ADGRL1: variants seen among roughly 807,000 people sequenced by gnomAD.
ADGRL1 encodes the protein adhesion G protein-coupled receptor L1.
A neutral mutation model predicts 148.9 loss-of-function variants in ADGRL1; 31 were observed. That is an observed-to-expected ratio of 0.21 (90% confidence interval 0.16 to 0.28). The LOEUF is 0.28. Among genes scored for constraint, ADGRL1 ranks in the 10% least tolerant of loss-of-function variants. ADGRL1 has a pLI of 1.00. For missense variants in ADGRL1, 1,521 were observed against 2,058.8 expected (o/e 0.74, Z 5.05); for synonymous variants, 937 against 900.3 (o/e 1.04, Z -0.73).
Position 14,161,376 on chromosome 19 carries a change from C to A in ADGRL1, c.1446G>T (p.Arg482=), listed in dbSNP as rs1441608909. ...ELFCEPREVR[R]VQWPATQQGM... ...CCTGCTGGGTGGCCGGCCACTGGAC[C>A]CGCCGTACCTCTCGGGGCTCGCAGA... The change falls in exon 6 of 23, where the codon CGG becomes CGT. Residue 482 remains arginine (R), a synonymous_variant. Transcript: ENST00000361434. The surrounding 1 kb of genome is among the most constrained non-coding windows in gnomAD (Gnocchi z 4.4). The A allele has an allele frequency of 2.5e-6, 4 of 1,595,272 alleles. No homozygotes were observed. The South Asian group carries it at 4.5e-5, about 18-fold the overall frequency.
At chr19:14,175,947 G>A (rs1279179856) in intron 3 of ADGRL1, among the ~76,000 whole-genome samples, 3 of 152,018 alleles carry the variant, frequency 2.0e-5, no homozygotes, top group Non-Finnish European at 4.4e-5. Flanking sequence ...CCAGCTACTC[G>A]GGAGGCTGAG....
intron 1 of ADGRL1, among the ~76,000 whole-genome samples, chr19:14,202,267 T>A (rs936548554): frequency 6.6e-5 from 10 of 151,766 alleles, no homozygotes; most frequent in East Asian, 3.9e-4. Flanking sequence ...TTTTTTTTTT[T>A]ATTGAGAATG....
chr19:14,175,671 CACAT>C (rs1281958618), intron 3 of ADGRL1, among the ~76,000 whole-genome samples: 3 of 152,064 alleles, frequency 2.0e-5, no homozygotes, highest in Non-Finnish European at 4.4e-5. Context: ...TACACCTGTT[CACAT>C]ACACTTAGAC....
At chr19:14,201,680 T>C (rs901755521) in intron 1 of ADGRL1, among the ~76,000 whole-genome samples, 1 of 152,084 alleles carries the variant, frequency 6.6e-6, no homozygotes, top group Non-Finnish European at 1.5e-5. Context: ...CTTCCCAACA[T>C]TCTGGGTTTA....
chr19:14,161,185 T>C lies in ADGRL1; in HGVS notation c.1510+127A>G. ...GTGCCCTGAGAGCTCTGCTGGTCAC[T>C]GGGGATGACCCCTGCCCTCAGAAAA... On this transcript the variant is annotated intron_variant, in intron 6 of 22. Coordinates refer to ENST00000361434, the MANE Select transcript of ADGRL1 (RefSeq NM_014921.5). This position sits in a 1 kb window ranked among gnomAD's most constrained non-coding sequence, Gnocchi z 4.4. 1.0e-6 allele frequency: 1 copy of C among 955,532 alleles called. No homozygotes were observed. Among genetic ancestry groups the C allele is most frequent in the Non-Finnish European group, 1.5e-6 (1 of 677,206 alleles). 59.2% of individuals were successfully genotyped at this position (955,532 alleles called of 1,614,324 possible). A position where few individuals can be genotyped will look rare whatever the true frequency, so the allele number is the denominator to read the frequency against.
intron 1 of ADGRL1, among the ~76,000 whole-genome samples, chr19:14,203,276 G>A (rs1020545221): frequency 3.3e-5 from 5 of 152,154 alleles, no homozygotes; most frequent in African/African-American, 7.2e-5. Context: ...ACACAGAAAC[G>A]AGAGCCTTGT....
At chr19:14,201,403 G>A (rs1249832197) in intron 1 of ADGRL1, among the ~76,000 whole-genome samples, 3 of 128,624 alleles carry the variant, frequency 2.3e-5, no homozygotes, top group Non-Finnish European at 4.7e-5. Context: ...ACAGGAGACA[G>A]TGAAGGCAGG....
At position 14,175,494 on chromosome 19, in the gene ADGRL1, G is replaced by A. The variant is rs550506249; in HGVS notation, c.284+2037C>T. On this transcript the variant is annotated intron_variant, in intron 3 of 22. Transcript: ENST00000361434. ...CATGCTCACACCCACACCCGCTCACGTACACTTAAACACACCCAAATACAC... is the reference window on the plus strand; with the variant it reads ...CATGCTCACACCCACACCCGCTCACATACACTTAAACACACCCAAATACAC... Among the ~76,000 whole-genome samples the A allele has an allele frequency of 1.9e-3, 279 of 149,084 alleles. 1 individual carries two copies. Among genetic ancestry groups the A allele is most frequent in the African/African-American group, 6.7e-3 (269 of 40,424 alleles).
Position 14,161,028 on chromosome 19 carries a change from TCAGCTGGC to T in ADGRL1, c.1510+276_1510+283del, listed in dbSNP as rs1486812618. Among the ~76,000 whole-genome samples, 1 of 152,140 alleles carries T rather than the reference TCAGCTGGC, an allele frequency of 6.6e-6. No individual in the cohort carries two copies. Among genetic ancestry groups the T allele is most frequent in the African/African-American group, 2.4e-5 (1 of 41,430 alleles). The stretch of plus-strand genomic sequence containing the variant: ...CACACGGCCCTGCCCTTTTTGCACT[TCAGCTGGC>T]CATCCATGTGAAGCTGACTGTGCCT... On this transcript the variant is annotated intron_variant, in intron 6 of 22. Coordinates refer to ENST00000361434, the MANE Select transcript of ADGRL1 (RefSeq NM_014921.5). The surrounding 1 kb of genome is among the most constrained non-coding windows in gnomAD (Gnocchi z 4.4).
chr19:14,176,290 G>T (rs1970820587), intron 3 of ADGRL1, among the ~76,000 whole-genome samples: 2 of 152,008 alleles, frequency 1.3e-5, no homozygotes, highest in African/African-American at 2.4e-5. Context: ...AGCGGAGGTG[G>T]CAGTGAGCCA....
intron 1 of ADGRL1, among the ~76,000 whole-genome samples, chr19:14,184,010 CCT>C (rs1007627314): frequency 3.3e-5 from 5 of 152,300 alleles, no homozygotes; most frequent in Middle Eastern, 3.4e-3. Flanking sequence ...TCCCCATGCC[CCT>C]GTCCTGACCC....
chr19:14,163,943 A>G (rs1409775960), intron 4 of ADGRL1, among the ~76,000 whole-genome samples: 1 of 147,946 alleles, frequency 6.8e-6, no homozygotes, highest in Non-Finnish European at 1.5e-5. Context: ...ACACCCGGAC[A>G]GTGTTTTTTT....
chr19:14,170,399 G>C (rs1970363426), intron 4 of ADGRL1: 1 of 348,674 alleles, frequency 2.9e-6, no homozygotes, highest in East Asian at 6.1e-5. Context: ...GTGGAAATGA[G>C]TATAGGGTGC....
intron 2 of ADGRL1, among the ~76,000 whole-genome samples, chr19:14,178,373 C>T (rs1970962882): frequency 6.6e-6 from 1 of 152,062 alleles, no homozygotes; most frequent in South Asian, 2.1e-4. Context: ...GACGTGGTGG[C>T]ACACACCTGT....
At chr19:14,153,544 T>A (rs1363711042) in intron 18 of ADGRL1, among the ~76,000 whole-genome samples, 1 of 150,648 alleles carries the variant, frequency 6.6e-6, no homozygotes, top group Non-Finnish European at 1.5e-5. Context: ...GCCTCCTGAG[T>A]AGCTGGGATT....
In ADGRL1 at chr19:14,157,350, C is replaced by T. The variant is rs1260404924; in HGVS notation, c.2646G>A (p.Gly882=). ...ICISTFCFLR[G]LQTDRNTIHK... is the part of the protein sequence containing the mutation. ...GGATGGTGTTGCGGTCGGTCTGCAG[C>T]CCCCGCAGGAAGCAGAAGGTGGAGA... is the stretch of plus-strand genomic sequence containing the variant. Residue 882 remains glycine (G), a synonymous_variant, in exon 14 of 23, where the codon GGG becomes GGA. Transcript: ENST00000361434. The surrounding 1 kb of genome is among the most constrained non-coding windows in gnomAD (Gnocchi z 7.5). The T allele has an allele frequency of 3.7e-6, 6 of 1,614,008 alleles. No homozygotes were observed. Among genetic ancestry groups the T allele is most frequent in the Admixed American group, 1.7e-5 (1 of 60,006 alleles).
In ADGRL1 at chr19:14,159,997, T is replaced by C. The variant is rs545704247; in HGVS notation, c.1800+115A>G. ...CGGAGAGGGGGGGGTCCTTCCTCTC[T>C]GAGGAAAGGAGTGGAGGTGGCAGCC... On this transcript the variant is annotated intron_variant, in intron 8 of 22. Transcript: ENST00000361434. This position sits in a 1 kb window ranked among gnomAD's most constrained non-coding sequence, Gnocchi z 6.0. The C allele has an allele frequency of 2.6e-6, 3 of 1,169,518 alleles. No homozygotes were observed. In the South Asian group the frequency reaches 4.5e-5, roughly 18 times the overall value. 72.4% of individuals were successfully genotyped at this position (1,169,518 alleles called of 1,614,324 possible).
Position 14,149,031 on chromosome 19 carries a change from G to A in ADGRL1, c.*1842C>T, listed in dbSNP as rs1967878951. On this transcript the variant is annotated 3_prime_UTR_variant, in exon 23 of 23. Transcript: ENST00000361434. The stretch of plus-strand genomic sequence containing the variant: ...GTGAGAAAAGGAGGGGCAGAGAGAT[G>A]GGGAGAGGTCAGAGCAGAGGTGGAG... 1 of 152,964 alleles carries A rather than the reference G, an allele frequency of 6.5e-6. No individual in the cohort carries two copies. Among genetic ancestry groups the A allele is most frequent in the Non-Finnish European group, 1.5e-5 (1 of 68,346 alleles). The allele number at this position is 152,964 out of a possible 1,614,324, so 9.5% of individuals were successfully genotyped here. A position where few individuals can be genotyped will look rare whatever the true frequency, so the allele number is the denominator to read the frequency against.
At position 14,155,606 on chromosome 19, in the gene ADGRL1, A is replaced by G; in HGVS notation, c.3126-79T>C. On this transcript the variant is annotated intron_variant, in intron 17 of 22. Transcript: ENST00000361434. The surrounding 1 kb of genome is among the most constrained non-coding windows in gnomAD (Gnocchi z 5.0). ...GCCCAGGCCTCCCCTGCAGCCTACA[A>G]CGGGGGCCCTTGGGTGGGCCTGGGC... 1 of 1,481,888 alleles carries G rather than the reference A, an allele frequency of 6.7e-7. No homozygotes were observed. The highest frequency in any genetic ancestry group is 1.8e-5 in the Admixed American group (1 of 54,816). 91.8% of individuals were successfully genotyped at this position (1,481,888 alleles called of 1,614,324 possible).
Sources: gnomAD v4.1 joint callset for allele counts (sites outside exome capture counted in the v4.1 genomes callset) on GRCh38, gnomAD v4.1.1 for gene constraint, Gnocchi (gnomAD v3.1) non-coding constraint, MANE v1.5 for transcripts, NCBI Gene and HGNC (gene_info 2026-07-23, HGNC 2026-07-21) for gene names.